The following FOXN3 variants were observed in gnomAD, a reference collection of about 807,000 sequenced individuals.
FOXN3 encodes the protein forkhead box protein N3.
Under a neutral mutation model 38.4 loss-of-function variants are expected in FOXN3, and 7 were observed. The ratio of observed to expected loss-of-function variants is 0.18; its 90% CI spans 0.10 to 0.34. The LOEUF is 0.34. Among genes scored for constraint, FOXN3 ranks in the 10% least tolerant of loss-of-function variants. The pLI is 1.00. For missense variants in FOXN3, 456 were observed against 613.4 expected (o/e 0.74, Z 2.71); for synonymous variants, 230 against 242.2 (o/e 0.95, Z 0.47).
chr14:89,514,228 T>A (rs1894157853), intron 1 of FOXN3, among the ~76,000 whole-genome samples: 2 of 152,184 alleles, frequency 1.3e-5, no homozygotes, highest in Admixed American at 1.3e-4. Flanking sequence ...CTTCCACTCC[T>A]GCTGCACAGG....
intron 4 of FOXN3, among the ~76,000 whole-genome samples, chr14:89,255,280 A>G (rs541942103): frequency 3.3e-5 from 5 of 152,292 alleles, no homozygotes; most frequent in Non-Finnish European, 5.9e-5. Flanking sequence ...CGGCATTTCA[A>G]CTGATGCCCA....
rs1024839106 is a variant in FOXN3, at chr14:89,158,816, C to T, written c.*3598G>A. 1.3e-5 allele frequency: 2 copies of T among 152,582 alleles called. No homozygotes were observed. Among genetic ancestry groups the T allele is most frequent in the African/African-American group, 4.8e-5 (2 of 41,436 alleles). 9.5% of individuals were successfully genotyped at this position (152,582 alleles called of 1,614,324 possible). On this transcript the variant is annotated 3_prime_UTR_variant, in exon 6 of 6. Coordinates refer to ENST00000557258, the MANE Select transcript of FOXN3 (RefSeq NM_005197.4). ...AGACGTCGTGGTGTTGATGTGTTCACGGTTGGTTTCCAAAGCATCTTTAAA... is the reference window on the plus strand; with the variant it reads ...AGACGTCGTGGTGTTGATGTGTTCATGGTTGGTTTCCAAAGCATCTTTAAA...
intron 1 of FOXN3, among the ~76,000 whole-genome samples, chr14:89,543,549 G>A (rs558127736): frequency 2.4e-4 from 36 of 152,240 alleles, no homozygotes; most frequent in African/African-American, 7.9e-4. Flanking sequence ...ATTCCGCCTC[G>A]ACTAAAAAGG....
chr14:89,468,225 G>A (rs778202893), intron 1 of FOXN3, among the ~76,000 whole-genome samples: 31 of 152,028 alleles, frequency 2.0e-4, no homozygotes, highest in South Asian at 2.1e-4. Context: ...AGGCTGGGGC[G>A]GGCGGATCAC....
intron 2 of FOXN3, among the ~76,000 whole-genome samples, chr14:89,363,449 C>T (rs1410253229): frequency 1.3e-5 from 2 of 152,246 alleles, no homozygotes. Flanking sequence ...CCACATGTAG[C>T]TCCCAACAAG....
At chr14:89,473,361 T>C (rs1227647885) in intron 1 of FOXN3, among the ~76,000 whole-genome samples, 1 of 150,426 alleles carries the variant, frequency 6.6e-6, no homozygotes, top group Non-Finnish European at 1.5e-5. Context: ...ATTTCTGATA[T>C]GGAAGATTTA....
intron 3 of FOXN3, among the ~76,000 whole-genome samples, chr14:89,318,162 C>CTTTTTCT (rs1887784131): frequency 7.8e-6 from 1 of 127,492 alleles, no homozygotes; most frequent in African/African-American, 3.0e-5. Context: ...TTCTTCTTCT[C>CTTTTTCT]TTTTTTTTTT....
chr14:89,395,384 A>C (rs1275053494), intron 2 of FOXN3, among the ~76,000 whole-genome samples: 1 of 152,202 alleles, frequency 6.6e-6, no homozygotes, highest in East Asian at 1.9e-4. Context: ...CTGGTTAGCA[A>C]CCAAATTAGC....
At chr14:89,323,955 G>C (rs1887969498) in intron 3 of FOXN3, among the ~76,000 whole-genome samples, 1 of 152,128 alleles carries the variant, frequency 6.6e-6, no homozygotes, top group South Asian at 2.1e-4. Context: ...TAGAGGCAGG[G>C]ACCTCTAGCG....
intron 1 of FOXN3, among the ~76,000 whole-genome samples, chr14:89,567,997 C>T (rs549036848): frequency 6.6e-6 from 1 of 152,190 alleles, no homozygotes; most frequent in South Asian, 2.1e-4. Flanking sequence ...GCTAGGATTA[C>T]AGGCATGAGC....
chr14:89,428,644 C>A (rs1487141490), intron 1 of FOXN3, among the ~76,000 whole-genome samples: 2 of 152,370 alleles, frequency 1.3e-5, no homozygotes, highest in African/African-American at 2.4e-5. Context: ...CCTCACACAG[C>A]GCCAGGCCAG....
At chr14:89,385,323 T>C (rs1048041599) in intron 2 of FOXN3, among the ~76,000 whole-genome samples, 6 of 151,988 alleles carry the variant, frequency 3.9e-5, no homozygotes, top group Non-Finnish European at 7.4e-5. Context: ...GTCTAAAATC[T>C]ATAACCCTAT....
Position 89,181,862 on chromosome 14 carries a change from T to G in FOXN3, c.746-1056A>C, listed in dbSNP as rs116719774. 9.2e-3 allele frequency among the ~76,000 whole-genome samples: 1,401 copies of G among 152,326 alleles called. 23 individuals are homozygous for G. Among genetic ancestry groups the G allele is most frequent in the African/African-American group, 0.032 (1,335 of 41,564 alleles). Reference sequence around the variant, plus strand: ...TGAGGGGCAGGGGAGCATCACTAAGTGAGAACACGGGTGAGCTTTCATCTG... The same window carrying G: ...TGAGGGGCAGGGGAGCATCACTAAGGGAGAACACGGGTGAGCTTTCATCTG... On this transcript the variant is annotated intron_variant, in intron 4 of 5. Coordinates refer to ENST00000557258, the MANE Select transcript of FOXN3 (RefSeq NM_005197.4).
intron 1 of FOXN3, among the ~76,000 whole-genome samples, chr14:89,567,835 A>G (rs968789410): frequency 3.4e-5 from 5 of 147,072 alleles, no homozygotes; most frequent in African/African-American, 1.0e-4. Flanking sequence ...CCATTCTCCT[A>G]CCTCAGCCTC....
chr14:89,194,493 C>T (rs1382624184), intron 4 of FOXN3, among the ~76,000 whole-genome samples: 1 of 152,078 alleles, frequency 6.6e-6, no homozygotes, highest in Non-Finnish European at 1.5e-5. Flanking sequence ...AGTCTGACAT[C>T]CTTCTATGGA....
chr14:89,417,504 G>A (rs1211553986), upstream of FOXN3: 2 of 158,044 alleles, frequency 1.3e-5, no homozygotes, highest in South Asian at 1.5e-4. Context: ...ACCCAGGGCG[G>A]CCGCGACCGT....
At chr14:89,447,249 AG>A (rs1000270950) in intron 1 of FOXN3, among the ~76,000 whole-genome samples, 1 of 152,074 alleles carries the variant, frequency 6.6e-6, no homozygotes, top group African/African-American at 2.4e-5. Flanking sequence ...GCTGGGTCCA[AG>A]GGTATTCCCG....
chr14:89,309,979 G>A (rs1887482889), intron 3 of FOXN3, among the ~76,000 whole-genome samples: 1 of 152,202 alleles, frequency 6.6e-6, no homozygotes, highest in Non-Finnish European at 1.5e-5. Context: ...TTCTCTGTGT[G>A]AAAATAGAAC....
At chr14:89,291,304 C>T (rs961546945) in intron 3 of FOXN3, 4 of 492,294 alleles carry the variant, frequency 8.1e-6, no homozygotes, top group Non-Finnish European at 1.6e-5. Flanking sequence ...GAAATGCAGC[C>T]ACGCATTCTC....
Sources: allele counts gnomAD v4.1 joint callset (sites outside exome capture counted in the v4.1 genomes callset), GRCh38; gene constraint gnomAD v4.1.1; transcripts MANE v1.5; gene names NCBI Gene and HGNC (gene_info 2026-07-23, HGNC 2026-07-21).